The following TMEM135 variants were observed in gnomAD, a reference collection of about 807,000 sequenced individuals.
TMEM135 encodes transmembrane protein 135.
Under a neutral mutation model 60.3 loss-of-function variants are expected in TMEM135, and 30 were observed. That is an observed-to-expected ratio of 0.50 (90% CI 0.37 to 0.68). The LOEUF (loss-of-function observed/expected upper bound fraction) is 0.68, where lower values mean the gene tolerates loss of function less well. TMEM135 is among the 30% of genes least tolerant of loss of function. The probability of loss-of-function intolerance (pLI) is 0.00; values close to 1 mark genes in which losing one functional copy is unlikely to be tolerated. For synonymous variants in TMEM135, 190 were observed against 186.7 expected (o/e 1.02, Z -0.14); for missense variants, 468 against 548.8 (o/e 0.85, Z 1.47).
chr11:87,041,026 GA>G (rs1165408543), intron 1 of TMEM135, among the ~76,000 whole-genome samples: 4 of 152,132 alleles, frequency 2.6e-5, no homozygotes, highest in African/African-American at 9.7e-5. Flanking sequence ...AATGTAAACT[GA>G]GGCAGAAAAC....
rs566420741 is a variant in TMEM135, at chr11:87,185,394, C to T, written c.462+27988C>T. 3.9e-5 allele frequency among the ~76,000 whole-genome samples: 6 copies of T among 152,214 alleles called. No individual in the cohort carries two copies. In the East Asian group the frequency reaches 7.7e-4, roughly 20 times the overall value. On this transcript the variant is annotated intron_variant, in intron 5 of 14. Transcript: ENST00000305494. ...TAGAAATTTATTGAAGAAACCAGAC[C>T]GTAAAGCTTCTCACAGTCTGATTTT...
chr11:87,321,936 G>A lies in TMEM135; in HGVS notation c.*603G>A, dbSNP rs546214472. 2.2e-5 allele frequency: 10 copies of A among 454,318 alleles called. No homozygotes were observed. Among genetic ancestry groups the A allele is most frequent in the East Asian group, 1.4e-4 (2 of 14,386 alleles). 28.1% of individuals were successfully genotyped at this position (454,318 alleles called of 1,614,324 possible). ...GTCTCATACCATTTGGATAAATGTC[G>A]TGGTATCCATGCTTTTTTTCAACTA... is the stretch of plus-strand genomic sequence containing the variant. On this transcript the variant is annotated 3_prime_UTR_variant, in exon 15 of 15. Transcript: ENST00000305494.
intron 5 of TMEM135, among the ~76,000 whole-genome samples, chr11:87,224,843 A>G (rs1940733022): frequency 6.6e-6 from 1 of 151,854 alleles, no homozygotes; most frequent in Non-Finnish European, 1.5e-5. Context: ...AAGTTTATAT[A>G]AACACATTGA....
At chr11:87,282,288 G>T (rs116848267) in intron 6 of TMEM135, among the ~76,000 whole-genome samples, 3,848 of 152,092 alleles carry the variant, frequency 0.025, 61 homozygotes, top group Admixed American at 0.038. Context: ...TTTTGAGTTG[G>T]AGTTTTGCTC....
chr11:87,280,662 T>G (rs1469972371), intron 6 of TMEM135, among the ~76,000 whole-genome samples: 1 of 152,228 alleles, frequency 6.6e-6, no homozygotes, highest in Non-Finnish European at 1.5e-5. Flanking sequence ...AAGTACTTTC[T>G]ATAATGTAAT....
intron 6 of TMEM135, among the ~76,000 whole-genome samples, chr11:87,276,519 T>TAC (rs1219983330): frequency 2.0e-5 from 3 of 151,558 alleles, no homozygotes; most frequent in Non-Finnish European, 2.9e-5. Flanking sequence ...TATATATATA[T>TAC]ATACACACAC....
intron 5 of TMEM135, among the ~76,000 whole-genome samples, chr11:87,192,889 CAGATCACTTG>C (rs1939845845): frequency 6.6e-6 from 1 of 152,096 alleles, no homozygotes; most frequent in Non-Finnish European, 1.5e-5. Flanking sequence ...CAAAGGTGGG[CAGATCACTTG>C]AGATCAGGAG....
intron 4 of TMEM135, among the ~76,000 whole-genome samples, chr11:87,110,702 G>A (rs941361514): frequency 2.6e-5 from 4 of 151,770 alleles, no homozygotes; most frequent in Non-Finnish European, 2.9e-5. Context: ...TGTTTTTTTC[G>A]TAACATTCTT....
Position 87,195,318 on chromosome 11 carries a change from C to G in TMEM135, c.462+37912C>G, listed in dbSNP as rs1213676090. Among the ~76,000 whole-genome samples the G allele has an allele frequency of 8.1e-4, 5 of 6,182 alleles. No individual in the cohort carries two copies. In the Admixed American group the frequency reaches 9.3e-3, roughly 11 times the overall value. 4.1% of individuals were successfully genotyped at this position (6,182 alleles called of 152,430 possible). A position where few individuals can be genotyped will look rare whatever the true frequency, so the allele number is the denominator to read the frequency against. On this transcript the variant is annotated intron_variant, in intron 5 of 14. Coordinates refer to ENST00000305494, the MANE Select transcript of TMEM135 (RefSeq NM_022918.4). ...GTCATTTTCTCTTTCTTTCTCTTTC[C>G]TTCCTTCCTTCCTTCCTTCCTTCCT... is the stretch of plus-strand genomic sequence containing the variant.
intron 10 of TMEM135, among the ~76,000 whole-genome samples, chr11:87,310,742 A>G (rs1942626925): frequency 6.6e-6 from 1 of 151,994 alleles, no homozygotes; most frequent in South Asian, 2.1e-4. Flanking sequence ...AACCTTGAGC[A>G]TACCGTGATC....
intron 4 of TMEM135, among the ~76,000 whole-genome samples, chr11:87,119,971 T>C (rs1858001454): frequency 6.6e-6 from 1 of 152,174 alleles, no homozygotes; most frequent in African/African-American, 2.4e-5. Context: ...ATGTAGTCAT[T>C]TGCATGACAA....
At chr11:87,233,155 A>T (rs1940924026) in intron 5 of TMEM135, among the ~76,000 whole-genome samples, 1 of 152,158 alleles carries the variant, frequency 6.6e-6, no homozygotes, top group Admixed American at 6.6e-5. Context: ...GTCTCAAAAA[A>T]CAAAGCAAAA....
chr11:87,309,838 G>A (rs1942611456), intron 10 of TMEM135, among the ~76,000 whole-genome samples, 166 bp downstream of exon 10: 1 of 152,102 alleles, frequency 6.6e-6, no homozygotes. Context: ...TGAGGGTACA[G>A]AAATTTCTTC....
At chr11:87,097,411 A>C (rs944298134) in intron 4 of TMEM135, among the ~76,000 whole-genome samples, 3 of 152,050 alleles carry the variant, frequency 2.0e-5, no homozygotes, top group African/African-American at 7.2e-5. Flanking sequence ...GCTAAACTCA[A>C]CTCTACTAGC....
chr11:87,071,555 C>T lies in TMEM135; in HGVS notation c.302C>T (p.Pro101Leu). 6.2e-7 allele frequency: 1 copy of T among 1,613,988 alleles called. No homozygotes were observed. ...CTTGGAAAATTCTACTCATGGACTC[C>T]TGGCTTTGGTGCCGCTCTGCCAGCA... ...KILGKFYSWT[P>L]GFGAALPASY... The change falls in exon 3 of 15, where the codon CCT becomes CTT. Residue 101 changes from proline (P) to leucine (L), a missense_variant. Coordinates refer to ENST00000305494, the MANE Select transcript of TMEM135 (RefSeq NM_022918.4).
intron 2 of TMEM135, among the ~76,000 whole-genome samples, chr11:87,068,432 G>A (rs1414526951): frequency 1.3e-5 from 2 of 151,946 alleles, no homozygotes; most frequent in Non-Finnish European, 2.9e-5. Context: ...TCAAACTTAC[G>A]TTTATTTATT....
At chr11:87,121,396 T>C (rs931724015) in intron 4 of TMEM135, 2 of 152,102 alleles carry the variant, frequency 1.3e-5, no homozygotes, top group African/African-American at 4.8e-5. Flanking sequence ...ATGATGAGTA[T>C]TGCAAAAGAG....
At chr11:87,284,526 G>A (rs7933207) in intron 6 of TMEM135, among the ~76,000 whole-genome samples, 67,287 of 129,064 alleles carry the variant, frequency 0.52, 15,490 homozygotes, top group Non-Finnish European at 0.56. Context: ...CACAATTATC[G>A]TCTGGGGACT....
intron 6 of TMEM135, among the ~76,000 whole-genome samples, chr11:87,265,391 T>C (rs548226685): frequency 6.6e-6 from 1 of 152,170 alleles, no homozygotes; most frequent in South Asian, 2.1e-4. Context: ...CTTTTCATTC[T>C]GAAAGAGAAC....
Sources: gnomAD v4.1 joint callset for allele counts (sites outside exome capture counted in the v4.1 genomes callset) on GRCh38, gnomAD v4.1.1 for gene constraint, MANE v1.5 for transcripts, NCBI Gene and HGNC (gene_info 2026-07-23, HGNC 2026-07-21) for gene names.